The following MBNL1 variants were observed in gnomAD, a reference collection of about 807,000 sequenced individuals.
MBNL1 encodes muscleblind-like protein 1.
MBNL1 carries 8 observed loss-of-function variants against 42.2 expected under a neutral mutation model. That is an observed-to-expected ratio of 0.19 (90% confidence interval 0.11 to 0.34). The LOEUF is 0.34. Among genes scored for constraint, MBNL1 ranks in the 10% least tolerant of loss-of-function variants. The pLI is 1.00. For synonymous variants in MBNL1, 169 were observed against 173.9 expected, an observed-to-expected ratio of 0.97 and a Z score of 0.22; for missense variants, 309 against 495.3, an observed-to-expected ratio of 0.62 and a Z score of 3.57.
chr3:152,372,864 C>T (rs749962148), intron 2 of MBNL1, among the ~76,000 whole-genome samples: 12 of 152,156 alleles, frequency 7.9e-5, no homozygotes, highest in Non-Finnish European at 1.6e-4. Context: ...AGCTGGCAGG[C>T]AGGAACATTT....
At chr3:152,365,865 A>G (rs2096329030) in intron 2 of MBNL1, among the ~76,000 whole-genome samples, 1 of 152,192 alleles carries the variant, frequency 6.6e-6, no homozygotes, top group African/African-American at 2.4e-5. Flanking sequence ...GAAAAGATAC[A>G]CAAACTCACA....
At chr3:152,328,702 GT>G (rs1445613691) in intron 2 of MBNL1, among the ~76,000 whole-genome samples, 1 of 152,168 alleles carries the variant, frequency 6.6e-6, no homozygotes, top group Non-Finnish European at 1.5e-5. Flanking sequence ...CTTTGCTGGA[GT>G]ACCTTATCAG....
rs1007130924 is a variant in MBNL1, at chr3:152,372,275, A to G, written c.175-42666A>G. Among the ~76,000 whole-genome samples the G allele has an allele frequency of 2.6e-5, 4 of 152,058 alleles. 1 individual carries two copies. Among genetic ancestry groups the G allele is most frequent in the African/African-American group, 7.3e-5 (3 of 41,376 alleles). The stretch of plus-strand genomic sequence containing the variant: ...CTCCTTTAGCTCGGAGGAGTTACCC[A>G]CCTTCCGAAGCCTACTTCTGTCAAT... On this transcript the variant is annotated intron_variant, in intron 2 of 9. Transcript: ENST00000324210.
chr3:152,274,720 A>C lies in MBNL1; in HGVS notation c.-790+5628A>C, dbSNP rs114369561. On this transcript the variant is annotated intron_variant, in intron 1 of 9. Transcript: ENST00000324210. ...CATATATGTTTTAATTCATTTATTT[A>C]TTTCTTTTATCTAGGAGAAATATAA... Among the ~76,000 whole-genome samples the C allele has an allele frequency of 5.7e-3, 866 of 152,192 alleles. 9 individuals carry two copies. Among genetic ancestry groups the C allele is most frequent in the African/African-American group, 0.02 (835 of 41,554 alleles).
rs568004236 is a variant in MBNL1 at position 152,454,511 on chromosome 3, C to G, written c.962-1031C>G. Among the ~76,000 whole-genome samples, 5 of 152,268 alleles carry G rather than the reference C, an allele frequency of 3.3e-5. No individual in the cohort carries two copies. In the South Asian group the frequency reaches 8.3e-4, roughly 25 times the overall value. On this transcript the variant is annotated intron_variant, in intron 6 of 9. Coordinates refer to ENST00000324210, the MANE Select transcript of MBNL1 (RefSeq NM_021038.5). ...TAATCCCATAGAAAGAACAGTAGTT[C>G]TGCATATGGGAAAGTGCCTTGTACT...
chr3:152,420,800 G>C (rs2098792066), intron 3 of MBNL1, among the ~76,000 whole-genome samples: 1 of 152,138 alleles, frequency 6.6e-6, no homozygotes, highest in Non-Finnish European at 1.5e-5. Context: ...GCTTCAGAAG[G>C]TGAGTAATAA....
intron 2 of MBNL1, among the ~76,000 whole-genome samples, chr3:152,321,197 C>T (rs1032128352): frequency 2.0e-5 from 3 of 152,092 alleles, no homozygotes; most frequent in Non-Finnish European, 4.4e-5. Context: ...GAGAAACCTA[C>T]ATTTATCCAC....
intron 3 of MBNL1, among the ~76,000 whole-genome samples, chr3:152,424,214 T>C (rs931509423): frequency 6.6e-6 from 1 of 152,132 alleles, no homozygotes; most frequent in Non-Finnish European, 1.5e-5. Flanking sequence ...GCTGATAAGC[T>C]ACTTCAGCAG....
chr3:152,308,708 CCT>C (rs1296999618), intron 2 of MBNL1, among the ~76,000 whole-genome samples: 3 of 152,140 alleles, frequency 2.0e-5, no homozygotes, highest in African/African-American at 2.4e-5. Context: ...CATTCTTCCC[CCT>C]CTCTGAAATT....
chr3:152,246,303 A>G (rs1320800410), intron 2 of MBNL1, among the ~76,000 whole-genome samples: 1 of 152,140 alleles, frequency 6.6e-6, no homozygotes, highest in Non-Finnish European at 1.5e-5. Flanking sequence ...AGAACAGCAA[A>G]TGAAGGCTAA....
At chr3:152,255,550 A>G (rs1483500801) in intron 2 of MBNL1, among the ~76,000 whole-genome samples, 1 of 152,094 alleles carries the variant, frequency 6.6e-6, no homozygotes, top group Non-Finnish European at 1.5e-5. Flanking sequence ...TCATATATCA[A>G]GCAGTATACT....
chr3:152,381,152 G>A (rs2097164073), intron 2 of MBNL1, among the ~76,000 whole-genome samples: 1 of 151,972 alleles, frequency 6.6e-6, no homozygotes, highest in South Asian at 2.1e-4. Context: ...TATATAAAAG[G>A]CAGCTCTAAA....
intron 2 of MBNL1, among the ~76,000 whole-genome samples, chr3:152,309,959 G>A (rs2065417317): frequency 6.6e-6 from 1 of 152,126 alleles, no homozygotes; most frequent in African/African-American, 2.4e-5. Context: ...AACCCTTCTA[G>A]TCTTTAATTT....
chr3:152,332,191 C>G (rs534775120), intron 2 of MBNL1, among the ~76,000 whole-genome samples: 1 of 152,124 alleles, frequency 6.6e-6, no homozygotes, highest in Non-Finnish European at 1.5e-5. Flanking sequence ...TAGTCTATCA[C>G]GTGGTAATGC....
At chr3:152,422,591 C>A (rs1364353056) in intron 3 of MBNL1, among the ~76,000 whole-genome samples, 1 of 152,176 alleles carries the variant, frequency 6.6e-6, no homozygotes, top group African/African-American at 2.4e-5. Flanking sequence ...AGCTCTGGAC[C>A]AAGCAGACTT....
At position 152,459,324 on chromosome 3, in the gene MBNL1, G is replaced by A. The variant is rs768930977; in HGVS notation, c.1146G>A (p.Met382Ile). 2.5e-6 allele frequency: 4 copies of A among 1,573,776 alleles called. No individual in the cohort carries two copies. Among genetic ancestry groups the A allele is most frequent in the South Asian group, 2.4e-5 (2 of 84,480 alleles). ...HLTSHKYVTQ[M>I] The stretch of plus-strand genomic sequence containing the variant: ...CTAGCCACAAGTATGTTACCCAGAT[G>A]TAGAATTTTCATCACTAAACAGTAA... The change falls in exon 9 of 10, where the codon ATG becomes ATA. Residue 382 changes from methionine (M) to isoleucine (I), a missense_variant. Met to Ile is a conservative substitution (Grantham distance 10). Coordinates refer to ENST00000324210, the MANE Select transcript of MBNL1 (RefSeq NM_021038.5).
chr3:152,322,411 A>T (rs911503427), intron 2 of MBNL1, among the ~76,000 whole-genome samples: 1 of 152,142 alleles, frequency 6.6e-6, no homozygotes, highest in Non-Finnish European at 1.5e-5. Context: ...AAATTAGGTC[A>T]TGCATTTCAT....
chr3:152,456,358 C>T lies in MBNL1; in HGVS notation c.1089C>T (p.Asn363=), dbSNP rs749764875. 6 of 1,613,612 alleles carry T rather than the reference C, an allele frequency of 3.7e-6. No individual in the cohort carries two copies. In the Admixed American group the frequency reaches 1.0e-4, roughly 27 times the overall value. The change falls in exon 8 of 10, where the codon AAC becomes AAT. Residue 363 remains asparagine, a synonymous_variant. Transcript: ENST00000324210. ...SVPFAATATA[N]QIPIISAEHL... is the part of the protein sequence containing the mutation. ...CCTTCGCTGCAACAGCCACAGCCAA[C>T]CAGGTTTGCTAATTTACAGCTTTGT... is the stretch of plus-strand genomic sequence containing the variant.
intron 6 of MBNL1, among the ~76,000 whole-genome samples, chr3:152,448,881 C>G (rs1715875083): frequency 6.6e-6 from 1 of 152,186 alleles, no homozygotes; most frequent in Admixed American, 6.5e-5. Flanking sequence ...CAATATTCCA[C>G]TAGCTGAAAT....
Sources: allele counts gnomAD v4.1 joint callset (sites outside exome capture counted in the v4.1 genomes callset), GRCh38; gene constraint gnomAD v4.1.1; transcripts MANE v1.5; gene names NCBI Gene and HGNC (gene_info 2026-07-23, HGNC 2026-07-21).